RASGRP3: variants seen among roughly 807,000 people sequenced by gnomAD.
RASGRP3 encodes ras guanyl-releasing protein 3.
RASGRP3 carries 54 observed loss-of-function variants against 82.7 expected under a neutral mutation model. The observed-to-expected ratio is 0.65, with a 90% CI of 0.52 to 0.82. The LOEUF (loss-of-function observed/expected upper bound fraction) is 0.82. RASGRP3 is among the 40% of genes least tolerant of loss of function. The probability of loss-of-function intolerance (pLI) is 0.00; values close to 1 mark genes in which losing one functional copy is unlikely to be tolerated. For synonymous variants in RASGRP3, 309 were observed against 300.5 expected, an observed-to-expected ratio of 1.03 and a Z score of -0.29; for missense variants, 861 against 828.9, an observed-to-expected ratio of 1.04 and a Z score of -0.48.
chr2:33,513,560 C>T (rs73926688), intron 2 of RASGRP3, among the ~76,000 whole-genome samples: 16 of 152,306 alleles, frequency 1.1e-4, no homozygotes, highest in African/African-American at 3.6e-4. Context: ...AAACAGCTCA[C>T]GAGATGAATC....
chr2:33,558,684 T>C lies in RASGRP3; in HGVS notation c.1718T>C (p.Val573Ala). Reference protein sequence around the residue: ...SPSLPPAQDEVFEFPGVTAGH... With the variant: ...SPSLPPAQDEAFEFPGVTAGH... ...TTTTCACTTCCAGCGCAGGATGAGGTGTTTGAGTTCCCTGGAGTCACTGCT... is the reference window on the plus strand; with the variant it reads ...TTTTCACTTCCAGCGCAGGATGAGGCGTTTGAGTTCCCTGGAGTCACTGCT... The change falls in exon 17 of 18, where the codon GTG becomes GCG. Residue 573 changes from valine (V) to alanine (A), a missense_variant. By Grantham distance (64) the Val-to-Ala change is moderately conservative. Transcript: ENST00000403687. 1 of 1,598,274 alleles carries C rather than the reference T, an allele frequency of 6.3e-7. No homozygotes were observed. Among genetic ancestry groups the C allele is most frequent in the Middle Eastern group, 1.7e-4 (1 of 5,758 alleles).
At chr2:33,526,051 C>CT (rs1411484903) in intron 9 of RASGRP3, among the ~76,000 whole-genome samples, 2 of 152,180 alleles carry the variant, frequency 1.3e-5, no homozygotes, top group East Asian at 3.8e-4. Flanking sequence ...ATAGGGAAGA[C>CT]TACTCACTTC....
chr2:33,473,598 C>G (rs77523922), upstream of RASGRP3, among the ~76,000 whole-genome samples: 5,190 of 152,150 alleles, frequency 0.034, 272 homozygotes, highest in African/African-American at 0.11. Context: ...GAGTCGAAGA[C>G]AATGCTTGGA....
intron 7 of RASGRP3, among the ~76,000 whole-genome samples, chr2:33,522,542 A>G (rs1055433411): frequency 6.6e-6 from 1 of 152,260 alleles, no homozygotes; most frequent in African/African-American, 2.4e-5. Flanking sequence ...GAATCTCAAC[A>G]TCAGGTTGTT....
At chr2:33,527,480 A>G in intron 10 of RASGRP3, 68 bp downstream of exon 10, 1 of 1,460,698 alleles carries the variant, frequency 6.8e-7, no homozygotes, top group South Asian at 1.3e-5. Flanking sequence ...GAGACACAGG[A>G]AGATGTGTGC....
Position 33,543,600 on chromosome 2 carries a change from A to G in RASGRP3, c.1367A>G (p.Asp456Gly), listed in dbSNP as rs766871041. Residue 456 changes from aspartate to glycine, a missense_variant, in exon 13 of 18, where the codon GAT becomes GGT. By Grantham distance (94) the Asp-to-Gly change is moderately conservative (BLOSUM62 -1). Coordinates refer to ENST00000403687, the MANE Select transcript of RASGRP3 (RefSeq NM_001139488.2). ...ATAGCTGCCAATTTTCCCTTCTTGGATTCCTTCTGTGTTCTGGACAAAGAT... is the reference window on the plus strand; with the variant it reads ...ATAGCTGCCAATTTTCCCTTCTTGGGTTCCTTCTGTGTTCTGGACAAAGAT... ...ESIAANFPFL[D>G]SFCVLDKDQD... 6.8e-6 allele frequency: 11 copies of G among 1,606,172 alleles called. No homozygotes were observed. The highest frequency in any genetic ancestry group is 1.3e-5 in the African/African-American group (1 of 74,750).
intron 6 of RASGRP3, 43 bp downstream of exon 6, chr2:33,520,727 A>G (rs1378402984): frequency 1.2e-6 from 2 of 1,605,908 alleles, no homozygotes; most frequent in Admixed American, 3.3e-5. Context: ...TAAGTCCACC[A>G]CTTAGGGGAG....
intron 13 of RASGRP3, among the ~76,000 whole-genome samples, chr2:33,548,817 T>C (rs1026860387): frequency 7.2e-5 from 11 of 151,956 alleles, no homozygotes; most frequent in African/African-American, 1.5e-4. Flanking sequence ...GCCTCCTGAG[T>C]AGCTGGGATT....
At chr2:33,496,667 G>A (rs1468764505) in intron 1 of RASGRP3, among the ~76,000 whole-genome samples, 2 of 152,106 alleles carry the variant, frequency 1.3e-5, no homozygotes, top group Admixed American at 1.3e-4. Flanking sequence ...ACCAGCCTGG[G>A]CAACATAGTG....
intron 2 of RASGRP3, chr2:33,513,751 T>A (rs1478648647): frequency 2.0e-5 from 3 of 152,252 alleles, no homozygotes; most frequent in African/African-American, 7.2e-5. Context: ...AAGAGGCTAT[T>A]GCCAATCACG....
intron 1 of RASGRP3, among the ~76,000 whole-genome samples, chr2:33,487,889 C>T (rs556769220): frequency 8.5e-5 from 13 of 152,304 alleles, no homozygotes; most frequent in African/African-American, 2.9e-4. Flanking sequence ...CACTTGAGCT[C>T]GGGAATTCTG....
At chr2:33,476,939 T>C (rs1191547463) in intron 1 of RASGRP3, among the ~76,000 whole-genome samples, 1 of 152,258 alleles carries the variant, frequency 6.6e-6, no homozygotes, top group Non-Finnish European at 1.5e-5. Context: ...ACGTGTCTTG[T>C]AACTTTGAGG....
At chr2:33,502,834 T>G (rs915172326) in intron 1 of RASGRP3, among the ~76,000 whole-genome samples, 2 of 152,134 alleles carry the variant, frequency 1.3e-5, no homozygotes, top group Non-Finnish European at 2.9e-5. Flanking sequence ...CTCTTTAACC[T>G]TTACTTTATG....
intron 1 of RASGRP3, among the ~76,000 whole-genome samples, chr2:33,445,757 A>AT (rs982000059): frequency 7.9e-5 from 12 of 152,032 alleles, no homozygotes; most frequent in Non-Finnish European, 1.3e-4. Flanking sequence ...TATTAATAAT[A>AT]TGTTAATTAA....
intron 1 of RASGRP3, among the ~76,000 whole-genome samples, chr2:33,509,305 G>A (rs1670705587): frequency 1.3e-5 from 2 of 152,112 alleles, no homozygotes; most frequent in Admixed American, 1.3e-4. Context: ...GGGAGGCTGA[G>A]GTGGGAGAAT....
At chr2:33,562,614 G>C in intron 17 of RASGRP3, 115 bp from the exon 18 acceptor site, 1 of 1,163,296 alleles carries the variant, frequency 8.6e-7, no homozygotes, top group Non-Finnish European at 1.3e-6. Context: ...GAGACTACAA[G>C]GTACTGATCA....
chr2:33,532,400 T>C (rs561148708), intron 10 of RASGRP3: 6 of 152,272 alleles, frequency 3.9e-5, no homozygotes, highest in African/African-American at 1.2e-4. Flanking sequence ...GTCCCACTTA[T>C]CATCACACAT....
intron 2 of RASGRP3, among the ~76,000 whole-genome samples, chr2:33,455,025 C>CAT (rs2150889674): frequency 6.6e-6 from 1 of 152,112 alleles, no homozygotes; most frequent in East Asian, 1.9e-4. Context: ...GTAGGGGGGG[C>CAT]ATAAGGGGTG....
At chr2:33,520,822 A>G in intron 6 of RASGRP3, 138 bp downstream of exon 6, 2 of 1,192,916 alleles carry the variant, frequency 1.7e-6, no homozygotes, top group Non-Finnish European at 1.2e-6. Context: ...TGCTGCAGTG[A>G]GCGCAAGCCG....
Sources: gnomAD v4.1 joint callset for allele counts (sites outside exome capture counted in the v4.1 genomes callset) on GRCh38, gnomAD v4.1.1 for gene constraint, MANE v1.5 for transcripts, NCBI Gene and HGNC (gene_info 2026-07-23, HGNC 2026-07-21) for gene names.